ARHGEF10: variants seen among roughly 807,000 people sequenced by gnomAD.
The protein encoded by ARHGEF10 is Rho guanine nucleotide exchange factor (GEF) 10.
In ARHGEF10, 140 loss-of-function variants were observed where a neutral mutation model predicts 147.4. That is an observed-to-expected ratio of 0.95 (90% confidence interval 0.83 to 1.09). The LOEUF (loss-of-function observed/expected upper bound fraction) is 1.09, where lower values mean the gene tolerates loss of function less well. ARHGEF10 is among the 50% of genes least tolerant of loss of function. ARHGEF10 has a pLI of 0.00. For missense variants in ARHGEF10, 2,222 were observed against 1,752.7 expected, an observed-to-expected ratio of 1.27 and a Z score of -4.78; for synonymous variants, 902 against 695.8, an observed-to-expected ratio of 1.30 and a Z score of -4.67.
At chr8:1,921,080 C>T (rs1812252048) in intron 18 of ARHGEF10, among the ~76,000 whole-genome samples, 1 of 152,162 alleles carries the variant, frequency 6.6e-6, no homozygotes, top group Admixed American at 6.5e-5. Context: ...GCCACTATGC[C>T]TGGCCGCTCC....
intron 28 of ARHGEF10, among the ~76,000 whole-genome samples, chr8:1,953,675 C>G (rs7386548): frequency 0.63 from 95,770 of 152,232 alleles, 30,638 homozygotes; most frequent in African/African-American, 0.73. Context: ...TTCGTAATGA[C>G]GGATTGGGCC....
intron 27 of ARHGEF10, chr8:1,945,972 G>T (rs1488424952): frequency 2.0e-6 from 1 of 497,350 alleles, no homozygotes; most frequent in Non-Finnish European, 3.7e-6. Context: ...CTCATCATCG[G>T]TGCAACAAGG....
At chr8:1,824,560 C>A (rs1563138207) in intron 1 of ARHGEF10, among the ~76,000 whole-genome samples, 2 of 145,700 alleles carry the variant, frequency 1.4e-5, no homozygotes, top group Non-Finnish European at 3.0e-5. Flanking sequence ...ACCTGTCCCC[C>A]TACCCCACCA....
chr8:1,941,003 C>CA, intron 26 of ARHGEF10, among the ~76,000 whole-genome samples: 1 of 152,324 alleles, frequency 6.6e-6, no homozygotes, highest in Middle Eastern at 3.4e-3. Context: ...ATAAAACACT[C>CA]ACAGCTAACA....
At position 1,925,359 on chromosome 8, in the gene ARHGEF10, C is replaced by A. The variant is rs765880709; in HGVS notation, c.2565C>A (p.Leu855=). 1.2e-6 allele frequency: 2 copies of A among 1,614,174 alleles called. No homozygotes were observed. The highest frequency in any genetic ancestry group is 1.7e-6 in the Non-Finnish European group (2 of 1,180,048). ...NHIKKEKHPL[L]VGHMPVMVAK... ...TTAAAAAGGAGAAGCATCCTCTCCT[C>A]GTCGGACACATGCCCGTGATGGTGG... Residue 855 remains leucine, a synonymous_variant, in exon 22 of 29, where the codon CTC becomes CTA. Coordinates refer to ENST00000349830, the MANE Select transcript of ARHGEF10 (RefSeq NM_014629.4).
At chr8:1,855,680 G>C (rs1322946238) in intron 2 of ARHGEF10, among the ~76,000 whole-genome samples, 2 of 151,970 alleles carry the variant, frequency 1.3e-5, no homozygotes, top group African/African-American at 4.8e-5. Flanking sequence ...GTGAGCCCCT[G>C]CGCCCAGCAA....
intron 25 of ARHGEF10, among the ~76,000 whole-genome samples, chr8:1,931,017 C>T (rs1051155547): frequency 2.6e-5 from 4 of 152,254 alleles, no homozygotes; most frequent in Admixed American, 2.0e-4. Flanking sequence ...GATTTCAGTT[C>T]TCCATGGACG....
chr8:1,903,546 T>A (rs1810651711), intron 16 of ARHGEF10, 95 bp downstream of exon 16: 1 of 1,506,124 alleles, frequency 6.6e-7, no homozygotes, highest in Non-Finnish European at 9.1e-7. Context: ...TTTGGATCGT[T>A]TGGAGTAATT....
intron 1 of ARHGEF10, among the ~76,000 whole-genome samples, chr8:1,831,837 C>T (rs928433379): frequency 9.1e-4 from 138 of 152,346 alleles, no homozygotes; most frequent in Middle Eastern, 3.4e-3. Context: ...AGCTTTTTCT[C>T]ATTCTCACCA....
chr8:1,868,838 G>A (rs562698816), intron 6 of ARHGEF10, among the ~76,000 whole-genome samples: 2 of 152,270 alleles, frequency 1.3e-5, no homozygotes, highest in Admixed American at 1.3e-4. Context: ...GAGCCATATA[G>A]AAGTGTGTAA....
chr8:1,840,425 G>GCTGTCCGGTGTGGGGA (rs1228162684), intron 1 of ARHGEF10, among the ~76,000 whole-genome samples: 3 of 97,980 alleles, frequency 3.1e-5, no homozygotes, highest in Non-Finnish European at 4.3e-5. Context: ...TGGTGTGGAA[G>GCTGTCCGGTGTGGGGA]CTGTCCGGTG....
rs372994673 is a variant in ARHGEF10, at chr8:1,853,474, C to T, written c.38-4486C>T. Among the ~76,000 whole-genome samples, 81 of 152,346 alleles carry T rather than the reference C, an allele frequency of 5.3e-4. 1 individual carries two copies. Among genetic ancestry groups the T allele is most frequent in the African/African-American group, 1.9e-3 (80 of 41,592 alleles). ...TGAGATGCTTTCAGCAGCCCTTGAG[C>T]ATCTTTTCTAGTTTGCAAATTGTAG... On this transcript the variant is annotated intron_variant, in intron 2 of 28. Coordinates refer to ENST00000349830, the MANE Select transcript of ARHGEF10 (RefSeq NM_014629.4).
At chr8:1,833,252 C>G (rs1001613205) in intron 1 of ARHGEF10, among the ~76,000 whole-genome samples, 3 of 70,982 alleles carry the variant, frequency 4.2e-5, no homozygotes, top group Admixed American at 1.7e-4. Flanking sequence ...AGACAGAGGC[C>G]GAGACAGAGG....
At chr8:1,825,931 T>C (rs867205916) in intron 1 of ARHGEF10, 191 of 618,366 alleles carry the variant, frequency 3.1e-4, no homozygotes, top group African/African-American at 3.0e-3. Flanking sequence ...ATTAATAATA[T>C]GTTTTGAACA....
At chr8:1,939,120 A>G (rs1352258127) in intron 26 of ARHGEF10, among the ~76,000 whole-genome samples, 1 of 152,124 alleles carries the variant, frequency 6.6e-6, no homozygotes, top group East Asian at 1.9e-4. Context: ...GTCCCCGGAG[A>G]CTCCTGAACA....
intron 26 of ARHGEF10, 52 bp from the exon 27 acceptor site, chr8:1,945,429 C>G (rs918751209): frequency 1.2e-5 from 18 of 1,552,664 alleles, no homozygotes; most frequent in Admixed American, 2.0e-5. Context: ...CCAACAGGCC[C>G]CACTCAGACT....
intron 1 of ARHGEF10, among the ~76,000 whole-genome samples, chr8:1,832,337 G>A (rs1399504073): frequency 1.3e-5 from 2 of 151,368 alleles, no homozygotes; most frequent in African/African-American, 2.4e-5. Context: ...CAGAGACAGA[G>A]GGAGAGAGAG....
chr8:1,913,739 T>C (rs1811548993), intron 18 of ARHGEF10, among the ~76,000 whole-genome samples: 1 of 152,222 alleles, frequency 6.6e-6, no homozygotes, highest in African/African-American at 2.4e-5. Context: ...ACCGCCCTGC[T>C]CTGGCCCATT....
At chr8:1,835,275 T>C (rs116961708) in intron 1 of ARHGEF10, among the ~76,000 whole-genome samples, 2,240 of 152,314 alleles carry the variant, frequency 0.015, 86 homozygotes, top group East Asian at 0.095. Flanking sequence ...AGCGGGGCAC[T>C]TCACAGGCAC....
Sources: gnomAD v4.1 joint callset for allele counts (sites outside exome capture counted in the v4.1 genomes callset) on GRCh38, gnomAD v4.1.1 for gene constraint, MANE v1.5 for transcripts, NCBI Gene and HGNC (gene_info 2026-07-23, HGNC 2026-07-21) for gene names.